Variants in MGST1 observed in about 807,000 individuals in gnomAD.
MGST1 encodes glutathione S-transferase 12.
MGST1 carries 5 observed loss-of-function variants against 8.9 expected under a neutral mutation model. That is an observed-to-expected ratio of 0.56 (90% CI 0.29 to 1.19). The LOEUF (loss-of-function observed/expected upper bound fraction) is 1.19, where lower values mean the gene tolerates loss of function less well. Among genes scored for constraint, MGST1 ranks in the 50% most tolerant of loss-of-function variants. The pLI, the probability that MGST1 is intolerant of heterozygous loss-of-function variation, is 0.08. For synonymous variants in MGST1, 54 were observed against 67.8 expected (o/e 0.80, Z 1.00); for missense variants, 182 against 187.4 (o/e 0.97, Z 0.17).
intron 4 of MGST1, among the ~76,000 whole-genome samples, chr12:16,551,634 A>G (rs1338219938): frequency 6.6e-6 from 1 of 151,944 alleles, no homozygotes; most frequent in African/African-American, 2.4e-5. Context: ...AAAAAAATAA[A>G]AAGAACTGAT....
In MGST1 at chr12:16,413,718, T is replaced by C. The variant is rs1357634516; in HGVS notation, n.779-23670T>C. ...CTTTTTGGGATAAACCACTATAGTT[T>C]GTATTCTAGCATTTGTCATAGTATG... On this transcript the variant is annotated intron_variant and non_coding_transcript_variant, in intron 1 of 1. Transcript: ENST00000359720. The surrounding 1 kb of genome is among the most constrained non-coding windows in gnomAD (Gnocchi z 4.0). Among the ~76,000 whole-genome samples, 2 of 152,198 alleles carry C rather than the reference T, an allele frequency of 1.3e-5. No homozygotes were observed. Among genetic ancestry groups the C allele is most frequent in the South Asian group, 4.1e-4 (2 of 4,834 alleles).
chr12:16,440,957 C>A (rs949111145), downstream of MGST1, among the ~76,000 whole-genome samples: 3 of 151,666 alleles, frequency 2.0e-5, no homozygotes, highest in Non-Finnish European at 2.9e-5. Flanking sequence ...ATTTGCTTTT[C>A]TTTAATAAAT....
At chr12:16,554,362 T>G (rs1429660651) in intron 4 of MGST1, among the ~76,000 whole-genome samples, 2 of 152,214 alleles carry the variant, frequency 1.3e-5, no homozygotes, top group East Asian at 3.9e-4. Context: ...TTACAACACT[T>G]AGCTAGGGAG....
At chr12:16,520,208 A>G (rs1376699181) in intron 4 of MGST1, among the ~76,000 whole-genome samples, 2 of 152,166 alleles carry the variant, frequency 1.3e-5, no homozygotes, top group African/African-American at 4.8e-5. Flanking sequence ...ACCAGACCTC[A>G]AACAGATAAG....
chr12:16,463,280 C>G (rs531251978), intron 4 of MGST1, among the ~76,000 whole-genome samples: 57 of 152,172 alleles, frequency 3.7e-4, no homozygotes, highest in Admixed American at 1.2e-3. Flanking sequence ...AACTCCTGGG[C>G]TCAAGCCATC....
At chr12:16,514,016 G>T in intron 4 of MGST1, 4 of 423,872 alleles carry the variant, frequency 9.4e-6, no homozygotes, top group Non-Finnish European at 1.8e-5. Flanking sequence ...CTGCATGCTT[G>T]CTCCCATAAT....
At chr12:16,447,810 A>G (rs377111537) in intron 4 of MGST1, among the ~76,000 whole-genome samples, 2 of 151,998 alleles carry the variant, frequency 1.3e-5, no homozygotes, top group East Asian at 3.9e-4. Flanking sequence ...GTTGCTGTCT[A>G]AAGCCTACAA....
At chr12:16,474,226 A>T (rs934060075) in intron 4 of MGST1, among the ~76,000 whole-genome samples, 1 of 152,222 alleles carries the variant, frequency 6.6e-6, no homozygotes, top group Non-Finnish European at 1.5e-5. Context: ...CTATTTAAAC[A>T]TTCCATACCC....
At chr12:16,538,021 A>T (rs1373804503) in intron 4 of MGST1, among the ~76,000 whole-genome samples, 1 of 152,240 alleles carries the variant, frequency 6.6e-6, no homozygotes, top group African/African-American at 2.4e-5. Flanking sequence ...ATCTGGCTGC[A>T]AATTTTCCAA....
intron 4 of MGST1, among the ~76,000 whole-genome samples, chr12:16,588,854 C>CTTA (rs1943404374): frequency 6.6e-6 from 1 of 152,024 alleles, no homozygotes; most frequent in Non-Finnish European, 1.5e-5. Flanking sequence ...TCTCCCTTAT[C>CTTA]TTATCTTCAT....
chr12:16,384,679 T>C (rs1457920139), intron 1 of MGST1, among the ~76,000 whole-genome samples: 4 of 152,268 alleles, frequency 2.6e-5, no homozygotes, highest in Non-Finnish European at 4.4e-5. Context: ...TATATCTCAC[T>C]TATTATACCA....
chr12:16,591,686 T>A (rs1438321804), downstream of MGST1, among the ~76,000 whole-genome samples: 1 of 152,032 alleles, frequency 6.6e-6, no homozygotes, highest in Non-Finnish European at 1.5e-5. The surrounding 1 kb of genome is among the most constrained non-coding windows in gnomAD (Gnocchi z 4.1). Flanking sequence ...GGGTGTCAAT[T>A]ATTGATAACT....
chr12:16,542,662 G>T (rs1941799498), intron 4 of MGST1, among the ~76,000 whole-genome samples: 1 of 152,014 alleles, frequency 6.6e-6, no homozygotes, highest in African/African-American at 2.4e-5. Flanking sequence ...TGGCTACTAT[G>T]CAATGTAGAT....
rs938417013 is a variant in MGST1 at position 16,576,448 on chromosome 12, T to C, written n.483-13080T>C. 2.0e-5 allele frequency among the ~76,000 whole-genome samples: 3 copies of C among 152,226 alleles called. No homozygotes were observed. The highest frequency in any genetic ancestry group is 4.8e-5 in the African/African-American group (2 of 41,464). ...CTGGAAGACTACTGCTGCTTTTTTTTCATATTCAGATCAAATGTCAATGGA... is the reference window on the plus strand; with the variant it reads ...CTGGAAGACTACTGCTGCTTTTTTTCCATATTCAGATCAAATGTCAATGGA... On this transcript the variant is annotated intron_variant and non_coding_transcript_variant, in intron 4 of 4. Transcript: ENST00000538857. This position sits in a 1 kb window ranked among gnomAD's most constrained non-coding sequence, Gnocchi z 4.1.
At chr12:16,453,842 T>C (rs1391545365) in intron 4 of MGST1, among the ~76,000 whole-genome samples, 4 of 151,918 alleles carry the variant, frequency 2.6e-5, no homozygotes, top group Non-Finnish European at 5.9e-5. Context: ...ACATCAGTCA[T>C]AGTGAATCAG....
At chr12:16,480,362 C>T (rs1042720477) in intron 4 of MGST1, among the ~76,000 whole-genome samples, 4 of 151,702 alleles carry the variant, frequency 2.6e-5, no homozygotes, top group East Asian at 1.9e-4. Context: ...AGGATGGTCT[C>T]GATCTCTTGA....
Position 16,568,206 on chromosome 12 carries a change from G to T in MGST1, n.483-21322G>T, listed in dbSNP as rs185049733. 1.7e-4 allele frequency among the ~76,000 whole-genome samples: 26 copies of T among 152,270 alleles called. No individual in the cohort carries two copies. The East Asian group carries it at 5.0e-3, about 29-fold the overall frequency. ...ACTACACAAGACTTGTAAGAACCTA[G>T]CATTACAGAAGAATCAAGTCAAGCT... On this transcript the variant is annotated intron_variant and non_coding_transcript_variant, in intron 4 of 4. Transcript: ENST00000538857.
rs532400807 is a variant in MGST1 at position 16,556,839 on chromosome 12, T to TGACAA, written n.483-32683_483-32679dup. ...TTAGTTTGTCTTGTAGGGGCTGAAG[T>TGACAA]GACAAGACAATAACTAAGTGCTAAT... On this transcript the variant is annotated intron_variant and non_coding_transcript_variant, in intron 4 of 4. Coordinates refer to the MGST1 transcript ENST00000538857. Among the ~76,000 whole-genome samples the TGACAA allele has an allele frequency of 1.5e-4, 23 of 152,298 alleles. No homozygotes were observed. In the South Asian group the frequency reaches 4.6e-3, roughly 30 times the overall value.
intron 4 of MGST1, among the ~76,000 whole-genome samples, chr12:16,492,732 CTTTATA>C (rs539857313): frequency 3.4e-4 from 52 of 152,192 alleles, no homozygotes; most frequent in South Asian, 8.3e-4. Context: ...GTAATTTGAA[CTTTATA>C]TTTATATGCC....
Sources: allele counts gnomAD v4.1 joint callset (sites outside exome capture counted in the v4.1 genomes callset), GRCh38; gene constraint gnomAD v4.1.1; non-coding constraint Gnocchi (gnomAD v3.1); transcripts MANE v1.5; gene names NCBI Gene and HGNC (gene_info 2026-07-23, HGNC 2026-07-21).